Variants in EPHA6 observed in about 807,000 individuals in gnomAD.
EPHA6 encodes ephrin type-A receptor 6.
Under a neutral mutation model 112.0 loss-of-function variants are expected in EPHA6, and 50 were observed. That is an observed-to-expected ratio of 0.45 (90% CI 0.36 to 0.56). The LOEUF (loss-of-function observed/expected upper bound fraction) is 0.56, where lower values mean the gene tolerates loss of function less well. EPHA6 is among the 20% of genes least tolerant of loss of function. EPHA6 has a pLI of 0.00. For synonymous variants in EPHA6, 529 were observed against 490.7 expected (o/e 1.08, Z -1.03); for missense variants, 1,280 against 1,417.4 (o/e 0.90, Z 1.56).
At chr3:97,741,300 C>G (rs543592138) in intron 16 of EPHA6, among the ~76,000 whole-genome samples, 2 of 152,118 alleles carry the variant, frequency 1.3e-5, no homozygotes, top group South Asian at 4.1e-4. Flanking sequence ...CTGCTGTGCA[C>G]TATGATCATG....
intron 4 of EPHA6, among the ~76,000 whole-genome samples, chr3:97,235,843 A>G (rs1461098161): frequency 1.3e-5 from 2 of 152,060 alleles, no homozygotes; most frequent in African/African-American, 4.8e-5. Context: ...TTCCAGTTAT[A>G]CCAGTTACAT....
intron 3 of EPHA6, among the ~76,000 whole-genome samples, chr3:97,028,797 TA>T (rs1380787518): frequency 1.3e-5 from 2 of 152,016 alleles, no homozygotes; most frequent in East Asian, 3.8e-4. Context: ...AAAATATTTA[TA>T]TTCTTATGGA....
At chr3:97,353,135 C>T (rs1252606824) in intron 5 of EPHA6, among the ~76,000 whole-genome samples, 1 of 152,102 alleles carries the variant, frequency 6.6e-6, no homozygotes, top group East Asian at 2.0e-4. Flanking sequence ...GAATAAACAT[C>T]AGTGGTACCA....
intron 6 of EPHA6, among the ~76,000 whole-genome samples, chr3:97,407,363 C>T (rs756900380): frequency 2.8e-4 from 42 of 151,808 alleles, no homozygotes; most frequent in Non-Finnish European, 5.6e-4. Flanking sequence ...CACACACACA[C>T]ACACACACAC....
At chr3:97,702,091 A>T (rs1409663400) in intron 14 of EPHA6, among the ~76,000 whole-genome samples, 2 of 152,166 alleles carry the variant, frequency 1.3e-5, no homozygotes, top group South Asian at 4.1e-4. Context: ...TGCCTGTCAT[A>T]TAAAGCTCTT....
At chr3:97,625,616 G>A (rs1461080501) in intron 13 of EPHA6, among the ~76,000 whole-genome samples, 1 of 151,368 alleles carries the variant, frequency 6.6e-6, no homozygotes. Flanking sequence ...TTCAGAGTGG[G>A]ATTTTGAAAT....
intron 14 of EPHA6, among the ~76,000 whole-genome samples, chr3:97,640,213 A>G (rs1159764710): frequency 2.0e-5 from 3 of 152,188 alleles, no homozygotes; most frequent in African/African-American, 7.2e-5. Context: ...TCTTAGGAGA[A>G]TTTATTACGC....
intron 10 of EPHA6, among the ~76,000 whole-genome samples, chr3:97,495,188 A>G (rs757240533): frequency 1.3e-5 from 2 of 151,886 alleles, no homozygotes; most frequent in Non-Finnish European, 2.9e-5. Flanking sequence ...CTATTTCTAT[A>G]CTTGTCAATT....
chr3:97,514,838 G>A (rs940244316), intron 10 of EPHA6, among the ~76,000 whole-genome samples: 3 of 152,120 alleles, frequency 2.0e-5, no homozygotes, highest in Non-Finnish European at 4.4e-5. Context: ...CCTACCAGCC[G>A]GGAAGAGAGC....
chr3:97,110,746 C>T (rs1256521801), intron 3 of EPHA6, among the ~76,000 whole-genome samples: 2 of 152,004 alleles, frequency 1.3e-5, no homozygotes, highest in African/African-American at 2.4e-5. Flanking sequence ...CCAGGCTGGT[C>T]TCAAACTCCT....
chr3:97,390,587 CA>C (rs34978574), intron 5 of EPHA6, among the ~76,000 whole-genome samples: 18,199 of 151,514 alleles, frequency 0.12, 3,500 homozygotes, highest in African/African-American at 0.4. Flanking sequence ...CTTCTACTCC[CA>C]AAAAGCAATA....
chr3:96,949,839 A>G (rs2041450424), intron 2 of EPHA6, among the ~76,000 whole-genome samples: 1 of 152,156 alleles, frequency 6.6e-6, no homozygotes, highest in South Asian at 2.1e-4. Context: ...AGAAGGTTAA[A>G]TACTTATCAA....
chr3:96,849,084 A>C (rs1270711961), intron 1 of EPHA6, among the ~76,000 whole-genome samples: 1 of 152,166 alleles, frequency 6.6e-6, no homozygotes, highest in Non-Finnish European at 1.5e-5. Context: ...TGAAGTAAAT[A>C]AGACATGAAG....
intron 11 of EPHA6, among the ~76,000 whole-genome samples, chr3:97,562,135 A>G (rs577220673): frequency 6.6e-6 from 1 of 152,274 alleles, no homozygotes; most frequent in African/African-American, 2.4e-5. Flanking sequence ...GCCTGCTTAG[A>G]AAACATCCAT....
chr3:97,411,360 A>G (rs1213508317), intron 6 of EPHA6, among the ~76,000 whole-genome samples: 1 of 152,062 alleles, frequency 6.6e-6, no homozygotes, highest in Non-Finnish European at 1.5e-5. Flanking sequence ...GTATACCCTT[A>G]TCAAACAGGA....
At chr3:97,515,327 A>C (rs2092430937) in intron 10 of EPHA6, among the ~76,000 whole-genome samples, 1 of 152,208 alleles carries the variant, frequency 6.6e-6, no homozygotes, top group African/African-American at 2.4e-5. Flanking sequence ...TGCCAGAGAC[A>C]GTGCTGGGTG....
chr3:97,669,611 AG>A lies in EPHA6; in HGVS notation c.2784+31530del, dbSNP rs756926799. Among the ~76,000 whole-genome samples the A allele has an allele frequency of 9.2e-5, 14 of 151,628 alleles. No homozygotes were observed. In the South Asian group the frequency reaches 2.7e-3, roughly 29 times the overall value. On this transcript the variant is annotated intron_variant, in intron 14 of 17. Coordinates refer to ENST00000389672, the MANE Select transcript of EPHA6 (RefSeq NM_001080448.3). The stretch of plus-strand genomic sequence containing the variant: ...ATCCCATCTTAAAAAAAAAAAAAAA[AG>A]AAGAAGTAGACTTCTGAGGTTGATC...
intron 3 of EPHA6, among the ~76,000 whole-genome samples, chr3:97,218,623 C>G (rs2078102103): frequency 6.6e-6 from 1 of 152,160 alleles, no homozygotes; most frequent in African/African-American, 2.4e-5. Context: ...TCCCTTGACA[C>G]ATAGGGATTA....
At chr3:97,403,723 G>A (rs991758566) in intron 5 of EPHA6, among the ~76,000 whole-genome samples, 8 of 152,296 alleles carry the variant, frequency 5.3e-5, no homozygotes, top group African/African-American at 1.9e-4. Context: ...TGGGATTACA[G>A]GCGTGAGCCA....
Sources: allele counts gnomAD v4.1 joint callset (sites outside exome capture counted in the v4.1 genomes callset), GRCh38; gene constraint gnomAD v4.1.1; transcripts MANE v1.5; gene names NCBI Gene and HGNC (gene_info 2026-07-23, HGNC 2026-07-21).